SETX: variants seen among roughly 807,000 people sequenced by gnomAD.
SETX encodes the protein helicase senataxin.
In SETX, 90 loss-of-function variants were observed where a neutral mutation model predicts 227.2. The observed-to-expected ratio is 0.40, with a 90% CI of 0.33 to 0.47. SETX has a LOEUF of 0.47. SETX is among the 20% of genes least tolerant of loss of function. SETX has a pLI of 0.91. For synonymous variants in SETX, 1,210 were observed against 1,113.2 expected (o/e 1.09, Z -1.73); for missense variants, 3,052 against 3,181.5 (o/e 0.96, Z 0.98).
At position 132,334,878 on chromosome 9, in the gene SETX, GC is replaced by G; in HGVS notation, c.719-152del. The G allele has an allele frequency of 5.0e-6, 4 of 806,004 alleles. No homozygotes were observed. In the South Asian group the frequency reaches 6.3e-5, roughly 13 times the overall value. 49.9% of individuals were successfully genotyped at this position (806,004 alleles called of 1,614,324 possible). ...AAGTCTCAGATATTCATACACAACTGCTCCCAAGTAATAGAACTCTAGACTA... is the reference window on the plus strand; with the variant it reads ...AAGTCTCAGATATTCATACACAACTGTCCCAAGTAATAGAACTCTAGACTA... On this transcript the variant is annotated intron_variant, in intron 6 of 25. Transcript: ENST00000224140.
chr9:132,305,151 A>C (rs1025853220), intron 11 of SETX, among the ~76,000 whole-genome samples: 1 of 151,686 alleles, frequency 6.6e-6, no homozygotes, highest in Non-Finnish European at 1.5e-5. Flanking sequence ...TTAGGAGATC[A>C]AGACCATCCT....
intron 10 of SETX, among the ~76,000 whole-genome samples, chr9:132,314,686 C>G (rs967129689): frequency 1.3e-5 from 2 of 152,008 alleles, no homozygotes; most frequent in African/African-American, 4.8e-5. Context: ...CTCTTTTTTC[C>G]CAGTAACTAA....
intron 10 of SETX, among the ~76,000 whole-genome samples, chr9:132,323,919 A>C (rs1323256454): frequency 6.6e-6 from 1 of 152,094 alleles, no homozygotes; most frequent in Non-Finnish European, 1.5e-5. Flanking sequence ...AAGAAAAAAA[A>C]AAGATAAAAA....
chr9:132,350,872 A>G (rs1003821925), intron 2 of SETX, among the ~76,000 whole-genome samples: 3 of 152,220 alleles, frequency 2.0e-5, no homozygotes, highest in African/African-American at 7.2e-5. Context: ...GAGAAAAAGG[A>G]TAACATGAGT....
At chr9:132,355,534 G>A (rs184131341), upstream of SETX, among the ~76,000 whole-genome samples, 1 of 152,364 alleles carries the variant, frequency 6.6e-6, no homozygotes, top group East Asian at 1.9e-4. Context: ...TGCGCGCGAT[G>A]CGCAACACAG....
chr9:132,311,237 G>A (rs1292746381), intron 11 of SETX, among the ~76,000 whole-genome samples: 3 of 152,148 alleles, frequency 2.0e-5, no homozygotes, highest in African/African-American at 7.2e-5. Context: ...AAAGTGCTGG[G>A]ATTACAGGCA....
intron 18 of SETX, among the ~76,000 whole-genome samples, chr9:132,284,964 T>C (rs538494558): frequency 5.3e-5 from 8 of 152,094 alleles, no homozygotes; most frequent in East Asian, 1.9e-4. Context: ...CTGCAAGCTC[T>C]GCCTCCCAGG....
At chr9:132,289,884 T>C (rs930562788) in intron 15 of SETX, among the ~76,000 whole-genome samples, 1 of 152,170 alleles carries the variant, frequency 6.6e-6, no homozygotes, top group Non-Finnish European at 1.5e-5. Flanking sequence ...TTTTTTTCTT[T>C]TATTATAATT....
Position 132,326,563 on chromosome 9 carries a change from T to G in SETX, c.5035A>C (p.Ser1679Arg). Reference protein sequence around the residue: ...RQGCKVPFGESKYFPSSSPVN... With the variant: ...RQGCKVPFGERKYFPSSSPVN... ...GGAGAGGAAGATGGAAAATATTTGC[T>G]TTCACCAAATGGAACTTTGCAACCT... The change falls in exon 10 of 26, where the codon AGC becomes CGC. Residue 1679 changes from serine to arginine, a missense_variant. This residue lies in a region of SETX where 1,483 missense variants were observed against 1,312.0 expected (regional missense o/e 1.13). Coordinates refer to ENST00000224140, the MANE Select transcript of SETX (RefSeq NM_015046.7). 1.2e-6 allele frequency: 2 copies of G among 1,614,232 alleles called. No homozygotes were observed. Among genetic ancestry groups the G allele is most frequent in the Non-Finnish European group, 1.7e-6 (2 of 1,180,040 alleles).
intron 10 of SETX, among the ~76,000 whole-genome samples, chr9:132,316,045 T>G (rs576808807): frequency 1.1e-4 from 16 of 152,370 alleles, no homozygotes; most frequent in Admixed American, 2.6e-4. Context: ...GGCTTCATTT[T>G]ACTCATCCAT....
Position 132,278,141 on chromosome 9 carries a change from C to T in SETX, c.6771G>A (p.Gln2257=), listed in dbSNP as rs778895541. 34 of 1,613,990 alleles carry T rather than the reference C, an allele frequency of 2.1e-5. No individual in the cohort carries two copies. In the Admixed American group the frequency reaches 5.3e-4, roughly 25 times the overall value. The part of the protein sequence containing the change: ...SRLPILQLTV[Q]YRMHPDICLF... ...GGCATATGTCTGGATGCATCCTGTA[C>T]TGAACAGTGAGCTGTAGAATGGGCA... The change falls in exon 21 of 26, where the codon CAG becomes CAA. Residue 2257 remains glutamine, a synonymous_variant. Coordinates refer to ENST00000224140, the MANE Select transcript of SETX (RefSeq NM_015046.7).
chr9:132,328,221 TA>T lies in SETX; in HGVS notation c.3376del (p.Tyr1126MetfsTer32). Reference sequence around the variant, plus strand: ...TCCTTTTTTAACAACTTCAGATACATAATCTGTACAACCCTGACCATTTGTA... The same window carrying T: ...TCCTTTTTTAACAACTTCAGATACATATCTGTACAACCCTGACCATTTGTA... ...NTTNGQGCTD[Y>X]VSEVVKKGAE... On this transcript the variant is annotated frameshift_variant, in exon 10 of 26. Coordinates refer to ENST00000224140, the MANE Select transcript of SETX (RefSeq NM_015046.7). LOFTEE classifies it high-confidence loss of function. 6.2e-7 allele frequency: 1 copy of T among 1,614,222 alleles called. No individual in the cohort carries two copies. The highest frequency in any genetic ancestry group is 8.5e-7 in the Non-Finnish European group (1 of 1,180,038).
chr9:132,262,817 A>C lies in SETX; in HGVS notation c.*1422T>G, dbSNP rs1842463149. ...AAGGAAATGTCAAATAATGCACATG[A>C]ATCTTCAGCTATTTTCCTACCCCCA... On this transcript the variant is annotated 3_prime_UTR_variant, in exon 26 of 26. Coordinates refer to ENST00000224140, the MANE Select transcript of SETX (RefSeq NM_015046.7). The C allele has an allele frequency of 6.6e-6, 1 of 152,380 alleles. No homozygotes were observed. Among genetic ancestry groups the C allele is most frequent in the Non-Finnish European group, 1.5e-5 (1 of 68,040 alleles). 9.4% of individuals were successfully genotyped at this position (152,380 alleles called of 1,614,324 possible). A position where few individuals can be genotyped will look rare whatever the true frequency, so the allele number is the denominator to read the frequency against.
At chr9:132,321,622 A>G (rs1343920548) in intron 10 of SETX, among the ~76,000 whole-genome samples, 2 of 135,572 alleles carry the variant, frequency 1.5e-5, no homozygotes, top group African/African-American at 5.6e-5. Context: ...ATGCCACTGC[A>G]CTCCAGCCTG....
chr9:132,309,473 G>C (rs898047802), intron 11 of SETX, among the ~76,000 whole-genome samples: 3 of 152,078 alleles, frequency 2.0e-5, no homozygotes, highest in African/African-American at 7.2e-5. Context: ...AATTTCCTCT[G>C]TAAAGGGCCA....
rs1011225210 is a variant in SETX, at chr9:132,293,904, G to C, written c.6106+1968C>G. ...CCGGGTGTTGTGGCGGGCGCCTATAGTCCCAGCTACTCGGGAGGCTGAGGC... is the reference window on the plus strand; with the variant it reads ...CCGGGTGTTGTGGCGGGCGCCTATACTCCCAGCTACTCGGGAGGCTGAGGC... On this transcript the variant is annotated intron_variant, in intron 15 of 25. Coordinates refer to ENST00000224140, the MANE Select transcript of SETX (RefSeq NM_015046.7). 4.5e-4 allele frequency among the ~76,000 whole-genome samples: 69 copies of C among 151,902 alleles called. 1 individual carries two copies. The highest frequency in any genetic ancestry group is 1.6e-3 in the African/African-American group (67 of 41,462).
At chr9:132,334,446 A>C in intron 7 of SETX, among the ~76,000 whole-genome samples, 162 bp downstream of exon 7, 1 of 152,206 alleles carries the variant, frequency 6.6e-6, no homozygotes, top group Non-Finnish European at 1.5e-5. Flanking sequence ...ATGACTTCGT[A>C]TCAAAAAACA....
rs375760485 is a variant in SETX, at chr9:132,328,682, A to G, written c.2916T>C (p.Ser972=). The part of the protein sequence containing the change: ...LHKLSLLAQA[S]VITFPSDSPQ... ...GTGAATCGGATGGGAACGTAATAAC[A>G]CTGGCTTGAGCTAGTAAAGATAATT... The change falls in exon 10 of 26, where the codon AGT becomes AGC. Residue 972 remains serine (S), a synonymous_variant. Coordinates refer to ENST00000224140, the MANE Select transcript of SETX (RefSeq NM_015046.7). The G allele has an allele frequency of 1.9e-6, 3 of 1,613,774 alleles. No homozygotes were observed. The highest frequency in any genetic ancestry group is 1.7e-5 in the Admixed American group (1 of 59,990).
chr9:132,278,042 A>G (rs1843265012), intron 21 of SETX, 28 bp downstream of exon 21: 7 of 1,595,822 alleles, frequency 4.4e-6, no homozygotes, highest in Non-Finnish European at 5.2e-6. Flanking sequence ...ACAACAAAAT[A>G]AGGTCACAAA....
Sources: allele counts gnomAD v4.1 joint callset (sites outside exome capture counted in the v4.1 genomes callset), GRCh38; gene constraint gnomAD v4.1.1; regional missense constraint gnomAD v4.1.1; transcripts MANE v1.5; gene names NCBI Gene and HGNC (gene_info 2026-07-23, HGNC 2026-07-21).